Variants in PBLD observed in about 807,000 individuals in gnomAD.
PBLD encodes the protein phenazine biosynthesis like protein domain containing.
In PBLD, 26 loss-of-function variants were observed where a neutral mutation model predicts 31.3. The ratio of observed to expected loss-of-function variants is 0.83; its 90% CI spans 0.61 to 1.15. The LOEUF (loss-of-function observed/expected upper bound fraction) is 1.15, where lower values mean the gene tolerates loss of function less well. PBLD is among the 50% of genes most tolerant of loss of function. The pLI is 0.00. For missense variants in PBLD, 307 were observed against 351.7 expected (o/e 0.87, Z 1.02); for synonymous variants, 114 against 129.0 (o/e 0.88, Z 0.79).
intron 1 of PBLD, among the ~76,000 whole-genome samples, chr10:68,313,068 C>A (rs539927360): frequency 3.3e-5 from 5 of 152,168 alleles, no homozygotes; most frequent in Middle Eastern, 6.8e-3. Context: ...GCATGCACCA[C>A]CACGCCTGAC....
chr10:68,286,223 G>A (rs1365313879), intron 8 of PBLD, among the ~76,000 whole-genome samples: 1 of 151,634 alleles, frequency 6.6e-6, no homozygotes, highest in African/African-American at 2.4e-5. Flanking sequence ...GAGTAGCTGG[G>A]ATTACAGGCA....
chr10:68,314,751 C>G (rs979615830), intron 1 of PBLD, among the ~76,000 whole-genome samples: 4 of 151,998 alleles, frequency 2.6e-5, no homozygotes, highest in South Asian at 2.1e-4. Context: ...GAGCACAACA[C>G]CACACCAGGC....
chr10:68,326,292 G>A (rs985790126), intron 1 of PBLD, among the ~76,000 whole-genome samples: 9 of 151,972 alleles, frequency 5.9e-5, no homozygotes, highest in Admixed American at 2.0e-4. Flanking sequence ...CGCCAGCTTC[G>A]GCCTACTAGA....
chr10:68,304,038 C>T (rs2044544192), intron 2 of PBLD, among the ~76,000 whole-genome samples: 2 of 152,168 alleles, frequency 1.3e-5, no homozygotes, highest in South Asian at 4.1e-4. Context: ...ACCTCTGGCT[C>T]CTAGCCCAGA....
intron 2 of PBLD, among the ~76,000 whole-genome samples, chr10:68,302,919 T>C (rs934321229): frequency 3.0e-4 from 45 of 151,586 alleles, no homozygotes; most frequent in African/African-American, 1.1e-3. Context: ...TAGCTAGTCA[T>C]GGGTCCCTCT....
intron 1 of PBLD, among the ~76,000 whole-genome samples, chr10:68,319,198 A>G (rs982272271): frequency 3.3e-5 from 5 of 152,140 alleles, no homozygotes. Flanking sequence ...AGTGAAAAAA[A>G]AAAAGGATGA....
At chr10:68,325,286 G>A (rs1398942550) in intron 1 of PBLD, among the ~76,000 whole-genome samples, 3 of 151,868 alleles carry the variant, frequency 2.0e-5, no homozygotes, top group African/African-American at 4.8e-5. Flanking sequence ...TACATTGGCC[G>A]GGAATGGCGG....
chr10:68,331,040 A>G (rs1219656935), intron 1 of PBLD: 1 of 151,998 alleles, frequency 6.6e-6, no homozygotes, highest in Non-Finnish European at 1.5e-5. Flanking sequence ...CGCCCAGCTA[A>G]TCTTTGTATT....
intron 1 of PBLD, among the ~76,000 whole-genome samples, chr10:68,319,830 A>T (rs111789432): frequency 0.11 from 15,597 of 147,108 alleles, 1,182 homozygotes; most frequent in East Asian, 0.25. Flanking sequence ...TTATTTATTT[A>T]TTTTTTTTTT....
intron 1 of PBLD, among the ~76,000 whole-genome samples, chr10:68,330,709 C>CGTGTGTGTGTGTGTGTGT (rs56166847): frequency 4.7e-4 from 67 of 142,910 alleles, no homozygotes; most frequent in Admixed American, 8.3e-4. Flanking sequence ...CCACGCCCGG[C>CGTGTGTGTGTGTGTGTGT]GTGTGTGTGT....
At chr10:68,300,337 C>G (rs866376202) in intron 2 of PBLD, among the ~76,000 whole-genome samples, 2 of 152,282 alleles carry the variant, frequency 1.3e-5, no homozygotes, top group South Asian at 2.1e-4. Flanking sequence ...CACTACACTG[C>G]CTGCCCATCA....
intron 1 of PBLD, among the ~76,000 whole-genome samples, chr10:68,328,774 C>T (rs917884798): frequency 3.3e-5 from 5 of 151,670 alleles, no homozygotes; most frequent in East Asian, 1.9e-4. Context: ...CAGGATTCAA[C>T]TTGCAAATGA....
chr10:68,329,409 A>G (rs2044976584), intron 1 of PBLD, among the ~76,000 whole-genome samples: 2 of 152,242 alleles, frequency 1.3e-5, no homozygotes, highest in South Asian at 4.1e-4. Flanking sequence ...AATATGCGGA[A>G]GGAATGCCAA....
At chr10:68,323,182 C>T (rs2044861684) in intron 1 of PBLD, among the ~76,000 whole-genome samples, 1 of 151,872 alleles carries the variant, frequency 6.6e-6, no homozygotes, top group Admixed American at 6.6e-5. Flanking sequence ...TGCCAATAGC[C>T]ATGGGAGTGA....
intron 1 of PBLD, among the ~76,000 whole-genome samples, chr10:68,312,050 T>C (rs1023456941): frequency 1.3e-5 from 2 of 152,244 alleles, no homozygotes; most frequent in African/African-American, 2.4e-5. Flanking sequence ...AGTCAAAGTA[T>C]CATAAGTCAG....
intron 1 of PBLD, among the ~76,000 whole-genome samples, chr10:68,324,045 C>T (rs192399394): frequency 6.1e-4 from 93 of 152,342 alleles, no homozygotes; most frequent in Admixed American, 1.6e-3. Flanking sequence ...TTAAAATTCT[C>T]AGCATCCAAC....
At chr10:68,325,761 A>T (rs554930550) in intron 1 of PBLD, among the ~76,000 whole-genome samples, 61 of 152,074 alleles carry the variant, frequency 4.0e-4, no homozygotes, top group Non-Finnish European at 7.5e-4. Context: ...TGCGTCCTCA[A>T]CTGTAAATGC....
At chr10:68,318,556 A>T (rs1261935384) in intron 1 of PBLD, among the ~76,000 whole-genome samples, 2 of 151,836 alleles carry the variant, frequency 1.3e-5, no homozygotes, top group Non-Finnish European at 2.9e-5. Flanking sequence ...GCATAAAGCA[A>T]TAGTCATAAA....
At chr10:68,315,576 CA>C (rs112264819) in intron 1 of PBLD, among the ~76,000 whole-genome samples, 28,700 of 110,010 alleles carry the variant, frequency 0.26, 3,493 homozygotes, top group African/African-American at 0.43. Flanking sequence ...AGTCTGTCTC[CA>C]AAAAAAAAAA....
Sources: allele counts gnomAD v4.1 joint callset (sites outside exome capture counted in the v4.1 genomes callset), GRCh38; gene constraint gnomAD v4.1.1; transcripts MANE v1.5; gene names NCBI Gene and HGNC (gene_info 2026-07-23, HGNC 2026-07-21).